Variants in CDH4 observed in about 807,000 individuals in gnomAD.
CDH4 encodes the protein cadherin-4.
A neutral mutation model predicts 86.0 loss-of-function variants in CDH4; 33 were observed. That is an observed-to-expected ratio of 0.38 (90% CI 0.29 to 0.51). The LOEUF is 0.51. CDH4 is among the 20% of genes least tolerant of loss of function. The pLI is 0.86. For synonymous variants in CDH4, 555 were observed against 549.4 expected (o/e 1.01, Z -0.14); for missense variants, 1,114 against 1,307.4 (o/e 0.85, Z 2.28).
chr20:61,796,722 G>A (rs1278383260), intron 4 of CDH4, among the ~76,000 whole-genome samples: 1 of 152,198 alleles, frequency 6.6e-6, no homozygotes, highest in African/African-American at 2.4e-5. Flanking sequence ...GCCCAGAGGT[G>A]TCAGGGCCCA....
intron 2 of CDH4, among the ~76,000 whole-genome samples, chr20:61,495,413 G>A (rs1422107487): frequency 1.3e-4 from 20 of 152,050 alleles, no homozygotes; most frequent in African/African-American, 2.4e-4. Flanking sequence ...CCAGCCCCCC[G>A]CTTATCCTGA....
At chr20:61,665,124 C>T (rs1287407031) in intron 2 of CDH4, among the ~76,000 whole-genome samples, 1 of 152,194 alleles carries the variant, frequency 6.6e-6, no homozygotes, top group Non-Finnish European at 1.5e-5. Flanking sequence ...TTGAGAAGGA[C>T]AATCCAGCCG....
chr20:61,375,855 T>C (rs2084866424), intron 2 of CDH4, among the ~76,000 whole-genome samples: 1 of 151,776 alleles, frequency 6.6e-6, no homozygotes, highest in Non-Finnish European at 1.5e-5. Flanking sequence ...TTGTTGATGG[T>C]AGTGTGATGC....
chr20:61,460,033 C>G (rs2085433014), intron 2 of CDH4, among the ~76,000 whole-genome samples: 1 of 152,158 alleles, frequency 6.6e-6, no homozygotes, highest in Non-Finnish European at 1.5e-5. Context: ...GAGGCCCAAG[C>G]AGAGGCTGAC....
rs146755014 is a variant in CDH4, at chr20:61,501,851, C to T, written c.170-241712C>T. Among the ~76,000 whole-genome samples the T allele has an allele frequency of 1.9e-3, 283 of 152,266 alleles. 2 individuals carry two copies. The highest frequency in any genetic ancestry group is 6.4e-3 in the African/African-American group (267 of 41,560). On this transcript the variant is annotated intron_variant, in intron 2 of 15. Coordinates refer to ENST00000614565, the MANE Select transcript of CDH4 (RefSeq NM_001794.5). The surrounding 1 kb of genome is among the most constrained non-coding windows in gnomAD (Gnocchi z 4.2). ...GTGATTCCGGTGCTAACGCTGGACA[C>T]GTGTGTCCTTGTATATACCTGTTGC...
In CDH4 at chr20:61,844,811, C is replaced by T. The variant is rs777057835; in HGVS notation, c.720C>T (p.His240=). The change falls in exon 5 of 16, where the codon CAC becomes CAT. Residue 240 remains histidine (H), a synonymous_variant. Transcript: ENST00000614565. ...CAAGGCCCATGGACCGGGAGGAGCA[C>T]GCCTCTTACCACGTGAGTGTCCACA... ...YVTRPMDREE[H]ASYHLRAHAV... 30 of 1,612,110 alleles carry T rather than the reference C, an allele frequency of 1.9e-5. No homozygotes were observed. Among genetic ancestry groups the T allele is most frequent in the East Asian group, 1.1e-4 (5 of 44,824 alleles).
intron 2 of CDH4, among the ~76,000 whole-genome samples, chr20:61,400,463 C>T (rs147844215): frequency 1.6e-4 from 25 of 152,314 alleles, no homozygotes; most frequent in Admixed American, 3.3e-4. Flanking sequence ...AGATGATCCC[C>T]GGAAACCCTA....
At chr20:61,687,385 G>A (rs1468136665) in intron 2 of CDH4, among the ~76,000 whole-genome samples, 1 of 152,144 alleles carries the variant, frequency 6.6e-6, no homozygotes, top group African/African-American at 2.4e-5. Flanking sequence ...GCGCTGTGCC[G>A]GGAGGAATGA....
At chr20:61,507,706 C>A (rs2085751061) in intron 2 of CDH4, among the ~76,000 whole-genome samples, 2 of 152,150 alleles carry the variant, frequency 1.3e-5, no homozygotes, top group African/African-American at 2.4e-5. Flanking sequence ...CACATGATGA[C>A]TCCATGTCAT....
chr20:61,860,959 C>T (rs1742569987), intron 6 of CDH4, among the ~76,000 whole-genome samples: 1 of 152,240 alleles, frequency 6.6e-6, no homozygotes, highest in South Asian at 2.1e-4. Context: ...GATCAGCATG[C>T]AGCCCCCCAG....
At chr20:61,716,352 A>G (rs2087953565) in intron 2 of CDH4, among the ~76,000 whole-genome samples, 1 of 151,586 alleles carries the variant, frequency 6.6e-6, no homozygotes, top group Non-Finnish European at 1.5e-5. Flanking sequence ...AAAGGGGTGG[A>G]CGCTCCTCGC....
intron 2 of CDH4, among the ~76,000 whole-genome samples, chr20:61,635,030 T>C (rs6089445): frequency 0.57 from 86,815 of 152,148 alleles, 24,947 homozygotes; most frequent in East Asian, 0.72. Context: ...TTTGCTTTCG[T>C]GCCCGTCTGC....
intron 2 of CDH4, among the ~76,000 whole-genome samples, chr20:61,258,334 A>AAAAAAAAAAAAAAAAAAAAAAG (rs2084110967): frequency 7.4e-6 from 1 of 134,778 alleles, no homozygotes; most frequent in African/African-American, 2.8e-5. Context: ...CGTCTCAAAA[A>AAAAAAAAAAAAAAAAAAAAAAG]AAAAAAAAAA....
chr20:61,293,050 C>T (rs1196596401), intron 2 of CDH4, among the ~76,000 whole-genome samples: 1 of 152,182 alleles, frequency 6.6e-6, no homozygotes, highest in Non-Finnish European at 1.5e-5. Flanking sequence ...CTCCCCGAGG[C>T]TCAGGGCTCC....
At chr20:61,557,949 A>G (rs1215780651) in intron 2 of CDH4, among the ~76,000 whole-genome samples, 2 of 152,154 alleles carry the variant, frequency 1.3e-5, no homozygotes, top group East Asian at 1.9e-4. Flanking sequence ...ATTCAAAACA[A>G]ATTTCAAGCT....
intron 2 of CDH4, among the ~76,000 whole-genome samples, chr20:61,603,416 C>T (rs891086750): frequency 2.0e-5 from 3 of 152,108 alleles, no homozygotes; most frequent in Non-Finnish European, 2.9e-5. Context: ...CAGATCTGGA[C>T]GAGGAGACTC....
At chr20:61,594,180 G>A (rs2086538315) in intron 2 of CDH4, among the ~76,000 whole-genome samples, 2 of 106,952 alleles carry the variant, frequency 1.9e-5, no homozygotes, top group African/African-American at 3.6e-5. Context: ...GGGAAAGGGG[G>A]TGGGGGACTG....
chr20:61,579,989 G>A (rs970650692), intron 2 of CDH4, among the ~76,000 whole-genome samples: 15 of 151,858 alleles, frequency 9.9e-5, no homozygotes, highest in African/African-American at 2.9e-4. Context: ...CACTTGAGGC[G>A]CATCCAGCAC....
chr20:61,527,261 T>A (rs1211926587), intron 2 of CDH4, among the ~76,000 whole-genome samples: 1 of 152,276 alleles, frequency 6.6e-6, no homozygotes, highest in East Asian at 1.9e-4. Context: ...AGAGCTTTTT[T>A]TTTTTTTGAG....
Sources: gnomAD v4.1 joint callset for allele counts (sites outside exome capture counted in the v4.1 genomes callset) on GRCh38, gnomAD v4.1.1 for gene constraint, Gnocchi (gnomAD v3.1) non-coding constraint, MANE v1.5 for transcripts, NCBI Gene and HGNC (gene_info 2026-07-23, HGNC 2026-07-21) for gene names.